UBE3A: variants seen among roughly 807,000 people sequenced by gnomAD.
UBE3A encodes the protein ubiquitin protein ligase E3A, also known as ubiquitin-protein ligase E3A.
A neutral mutation model predicts 83.4 loss-of-function variants in UBE3A; 6 were observed. That is an observed-to-expected ratio of 0.07 (90% CI 0.04 to 0.14). UBE3A has a LOEUF of 0.14. Among genes scored for constraint, UBE3A ranks in the 10% least tolerant of loss-of-function variants. The pLI is 1.00. For missense variants in UBE3A, 456 were observed against 1,036.1 expected, an observed-to-expected ratio of 0.44 and a Z score of 7.69; for synonymous variants, 337 against 355.4, an observed-to-expected ratio of 0.95 and a Z score of 0.58.
At chr15:25,379,355 T>C (rs1050773793) in intron 4 of UBE3A, among the ~76,000 whole-genome samples, 20 of 152,128 alleles carry the variant, frequency 1.3e-4, no homozygotes, top group African/African-American at 4.8e-4. Flanking sequence ...ATACATCTAA[T>C]AAGAGATTTG....
At chr15:25,422,970 AGAGTGAGATCCT>A (rs761264475) in intron 1 of UBE3A, among the ~76,000 whole-genome samples, 384 of 152,166 alleles carry the variant, frequency 2.5e-3, no homozygotes, top group Non-Finnish European at 4.5e-3. Flanking sequence ...CCCGGGTGAC[AGAGTGAGATCCT>A]ATCTCTAAAA....
intron 6 of UBE3A, among the ~76,000 whole-genome samples, chr15:25,364,146 G>A (rs1157142938): frequency 6.6e-6 from 1 of 151,992 alleles, no homozygotes; most frequent in Non-Finnish European, 1.5e-5. Flanking sequence ...GGTCAAGGCT[G>A]CAGTCAGTAG....
intron 1 of UBE3A, among the ~76,000 whole-genome samples, chr15:25,428,050 A>C (rs1317421395): frequency 6.6e-6 from 1 of 152,194 alleles, no homozygotes. Context: ...CAAGAAGATA[A>C]GCATAGACTG....
intron 4 of UBE3A, among the ~76,000 whole-genome samples, chr15:25,379,312 A>T (rs2081767840): frequency 1.3e-5 from 2 of 152,192 alleles, no homozygotes; most frequent in African/African-American, 4.8e-5. Context: ...ATAAACCTTC[A>T]TTCTGCTGAT....
chr15:25,353,592 A>G (rs2076818187), intron 11 of UBE3A, among the ~76,000 whole-genome samples: 1 of 152,202 alleles, frequency 6.6e-6, no homozygotes, highest in Non-Finnish European at 1.5e-5. Flanking sequence ...TATAAAAATA[A>G]CATTTATTGC....
At chr15:25,416,642 TAA>T (rs34305718) in intron 1 of UBE3A, among the ~76,000 whole-genome samples, 21,305 of 109,200 alleles carry the variant, frequency 0.2, 1,816 homozygotes, top group Middle Eastern at 0.3. Context: ...TAAAACATTC[TAA>T]AAAAAAAAAA....
intron 3 of UBE3A, chr15:25,408,636 G>A (rs1357020193): frequency 2.0e-5 from 33 of 1,613,854 alleles, no homozygotes; most frequent in Non-Finnish European, 2.8e-5. Context: ...TAACACTGGT[G>A]CAGCTTCTCC....
intron 2 of UBE3A, among the ~76,000 whole-genome samples, chr15:25,409,735 T>C (rs1053555106): frequency 6.6e-6 from 1 of 152,172 alleles, no homozygotes; most frequent in Admixed American, 6.5e-5. Context: ...ATTGAGATCT[T>C]TCAAATACGG....
chr15:25,360,544 T>TA lies in UBE3A; in HGVS notation c.1609-18dup, dbSNP rs779671805. The TA allele has an allele frequency of 3.7e-6, 6 of 1,611,340 alleles. No individual in the cohort carries two copies. Among genetic ancestry groups the TA allele is most frequent in the African/African-American group, 1.3e-5 (1 of 74,762 alleles). ...CATCTCTAGCTAGTGATTGAAAAGATAAACATGAAAAGAAGATGATTGCTA... is the reference window on the plus strand; with the variant it reads ...CATCTCTAGCTAGTGATTGAAAAGATAAAACATGAAAAGAAGATGATTGCTA... On this transcript the variant is annotated splice_polypyrimidine_tract_variant and intron_variant, in intron 6 of 12. Transcript: ENST00000648336.
At chr15:25,408,906 A>G (rs1259972725) in intron 3 of UBE3A, among the ~76,000 whole-genome samples, 182 bp downstream of exon 3, 1 of 152,196 alleles carries the variant, frequency 6.6e-6, no homozygotes, top group African/African-American at 2.4e-5. Flanking sequence ...GTGGCTACTG[A>G]TATTTTTAAT....
chr15:25,387,906 T>C (rs891302900), intron 4 of UBE3A, among the ~76,000 whole-genome samples: 1 of 152,198 alleles, frequency 6.6e-6, no homozygotes, highest in Non-Finnish European at 1.5e-5. Context: ...CACAATCTAT[T>C]AGAACTCTAA....
At chr15:25,344,967 T>A (rs2075435145) in intron 11 of UBE3A, among the ~76,000 whole-genome samples, 2 of 152,208 alleles carry the variant, frequency 1.3e-5, no homozygotes, top group South Asian at 2.1e-4. Flanking sequence ...TATTATTATT[T>A]TTTGTTTTAT....
chr15:25,417,355 T>C (rs1348782061), intron 1 of UBE3A, among the ~76,000 whole-genome samples: 1 of 151,786 alleles, frequency 6.6e-6, no homozygotes, highest in African/African-American at 2.4e-5. Flanking sequence ...CAAAACACTC[T>C]AAAAGAAAAC....
At chr15:25,390,238 T>A (rs1450764014) in intron 4 of UBE3A, among the ~76,000 whole-genome samples, 1 of 152,222 alleles carries the variant, frequency 6.6e-6, no homozygotes, top group Non-Finnish European at 1.5e-5. Flanking sequence ...ACAGTTTGGA[T>A]GTTTCCTACA....
intron 4 of UBE3A, among the ~76,000 whole-genome samples, chr15:25,405,069 T>C (rs1041127395): frequency 3.3e-5 from 5 of 152,214 alleles, no homozygotes; most frequent in Admixed American, 3.3e-4. Flanking sequence ...CTCTTGAGTA[T>C]AATATAAATT....
chr15:25,364,853 A>G (rs533498540), intron 6 of UBE3A, among the ~76,000 whole-genome samples: 1 of 151,414 alleles, frequency 6.6e-6, no homozygotes, highest in South Asian at 2.1e-4. Flanking sequence ...TCACTGTGTT[A>G]GCCAGGATGG....
At chr15:25,399,053 T>A (rs1008448528) in intron 4 of UBE3A, among the ~76,000 whole-genome samples, 14 of 151,678 alleles carry the variant, frequency 9.2e-5, no homozygotes, top group African/African-American at 3.4e-4. Context: ...TTAAGTGAGG[T>A]GCTTTCTTAC....
At chr15:25,429,042 G>A (rs2153175152) in intron 1 of UBE3A, among the ~76,000 whole-genome samples, 1 of 152,196 alleles carries the variant, frequency 6.6e-6, no homozygotes, top group East Asian at 1.9e-4. Context: ...TAAACTACAT[G>A]TACACGCATC....
rs115174347 is a variant in UBE3A at position 25,337,141 on chromosome 15, C to T, written c.*1996G>A. 6.6e-6 allele frequency: 1 copy of T among 152,088 alleles called. No individual in the cohort carries two copies. The highest frequency in any genetic ancestry group is 1.5e-5 in the Non-Finnish European group (1 of 68,000). 9.4% of individuals were successfully genotyped at this position (152,088 alleles called of 1,614,324 possible). On this transcript the variant is annotated 3_prime_UTR_variant, in exon 13 of 13. Transcript: ENST00000648336. Reference sequence around the variant, plus strand: ...ATGTGAACAACTCTATATCTGATAACCTATTTCAATTACCACTTTAAAACT... The same window carrying T: ...ATGTGAACAACTCTATATCTGATAATCTATTTCAATTACCACTTTAAAACT...
Sources: gnomAD v4.1 joint callset for allele counts (sites outside exome capture counted in the v4.1 genomes callset) on GRCh38, gnomAD v4.1.1 for gene constraint, MANE v1.5 for transcripts, NCBI Gene and HGNC (gene_info 2026-07-23, HGNC 2026-07-21) for gene names.